Variants in FAM135B observed in about 807,000 individuals in gnomAD.
The protein encoded by FAM135B is family with sequence similarity 135 member B, also known as protein FAM135B.
A neutral mutation model predicts 127.7 loss-of-function variants in FAM135B; 43 were observed. The observed-to-expected ratio is 0.34, with a 90% confidence interval of 0.26 to 0.43. FAM135B has a LOEUF of 0.43. Ranked by LOEUF, FAM135B falls within the 20% of genes least tolerant of loss-of-function variation. The probability of loss-of-function intolerance (pLI) is 1.00; values close to 1 mark genes in which losing one functional copy is unlikely to be tolerated. For missense variants in FAM135B, 1,558 were observed against 1,725.6 expected (o/e 0.90, Z 1.72); for synonymous variants, 670 against 665.1 (o/e 1.01, Z -0.11).
chr8:138,215,707 C>A (rs912868065), intron 7 of FAM135B, among the ~76,000 whole-genome samples: 3 of 152,180 alleles, frequency 2.0e-5, no homozygotes, highest in African/African-American at 4.8e-5. Context: ...TTAATTGATA[C>A]ATCAATAATA....
intron 2 of FAM135B, among the ~76,000 whole-genome samples, chr8:138,334,471 A>G (rs1828412050): frequency 6.6e-6 from 1 of 152,212 alleles, no homozygotes; most frequent in African/African-American, 2.4e-5. Context: ...GATTTGTCCC[A>G]CAGATTATTT....
chr8:138,262,307 T>C (rs1483313580), intron 4 of FAM135B, among the ~76,000 whole-genome samples: 1 of 152,202 alleles, frequency 6.6e-6, no homozygotes, highest in East Asian at 1.9e-4. Context: ...CCAGCCTCCA[T>C]CACTGGTTTG....
chr8:138,398,328 A>G (rs1406609162), intron 1 of FAM135B, among the ~76,000 whole-genome samples: 1 of 152,214 alleles, frequency 6.6e-6, no homozygotes, highest in Non-Finnish European at 1.5e-5. Context: ...AGGGTATAAG[A>G]GTGTACCTGT....
chr8:138,386,394 T>C (rs973305474), intron 1 of FAM135B, among the ~76,000 whole-genome samples: 5 of 151,992 alleles, frequency 3.3e-5, no homozygotes, highest in Admixed American at 6.6e-5. Context: ...TATTGATGGT[T>C]CCATGACAGA....
intron 18 of FAM135B, 44 bp downstream of exon 18, chr8:138,138,942 C>A (rs527332547): frequency 6.5e-6 from 8 of 1,227,414 alleles, no homozygotes; most frequent in South Asian, 1.2e-5. Flanking sequence ...GAGTTGAATC[C>A]CAAGCTCAAA....
At chr8:138,171,274 T>C (rs931596609) in intron 11 of FAM135B, among the ~76,000 whole-genome samples, 2 of 152,192 alleles carry the variant, frequency 1.3e-5, no homozygotes, top group Non-Finnish European at 2.9e-5. Flanking sequence ...CAGGTGCTAA[T>C]TGACTGAAGC....
chr8:138,318,123 A>G (rs1288686205), intron 2 of FAM135B, among the ~76,000 whole-genome samples: 1 of 152,270 alleles, frequency 6.6e-6, no homozygotes, highest in Non-Finnish European at 1.5e-5. Context: ...AACGTTAGCA[A>G]TAAAGCACTG....
Position 138,153,016 on chromosome 8 carries a change from C to A in FAM135B, c.1459G>T (p.Ala487Ser), listed in dbSNP as rs1818327487. Residue 487 changes from alanine to serine, a missense_variant, in exon 13 of 20, where the codon GCC (alanine) becomes TCC (serine). Ala to Ser is a moderately conservative substitution (Grantham distance 99, BLOSUM62 1). Transcript: ENST00000395297. ...IRCPEPGENV[A>S]TQNHMDMCSE... ...CACATGTCCATATGATTTTGTGTGG[C>A]CACATTCTCACCTGGCTCTGGACAC... The A allele has an allele frequency of 6.2e-7, 1 of 1,614,166 alleles. No homozygotes were observed. The highest frequency in any genetic ancestry group is 2.2e-5 in the East Asian group (1 of 44,868).
intron 3 of FAM135B, among the ~76,000 whole-genome samples, chr8:138,289,594 T>A (rs1824949581): frequency 1.3e-5 from 2 of 152,214 alleles, no homozygotes; most frequent in Admixed American, 6.5e-5. Context: ...ATACTTCAAC[T>A]AACTCCTCAG....
At chr8:138,159,197 G>A (rs573233978) in intron 12 of FAM135B, among the ~76,000 whole-genome samples, 3,185 of 142,766 alleles carry the variant, frequency 0.022, 52 homozygotes, top group Admixed American at 0.038. Flanking sequence ...GCGTGAACCC[G>A]GGAAGCGGAG....
chr8:138,304,387 G>A (rs921982328), intron 3 of FAM135B, among the ~76,000 whole-genome samples: 9 of 152,224 alleles, frequency 5.9e-5, no homozygotes, highest in Non-Finnish European at 1.2e-4. Context: ...CATTAAAATA[G>A]TGTAGAAGAA....
chr8:138,351,482 G>A (rs1364159891), intron 2 of FAM135B, among the ~76,000 whole-genome samples: 1 of 152,116 alleles, frequency 6.6e-6, no homozygotes, highest in Non-Finnish European at 1.5e-5. Context: ...AAAGACACCA[G>A]AAGCCAGGAT....
intron 2 of FAM135B, among the ~76,000 whole-genome samples, chr8:138,359,804 G>C (rs754808373): frequency 2.0e-5 from 3 of 152,322 alleles, no homozygotes; most frequent in Non-Finnish European, 4.4e-5. Context: ...GCATTAGGCA[G>C]TGATGGGACA....
rs1452660851 is a variant in FAM135B at position 138,164,465 on chromosome 8, G to A, written c.1258+3430C>T. Among the ~76,000 whole-genome samples the A allele has an allele frequency of 3.9e-5, 6 of 152,288 alleles. No homozygotes were observed. The South Asian group carries it at 1.2e-3, about 32-fold the overall frequency. ...TGACATTGTGAAAGGAAAATATCTT[G>A]AGGCCCCCAAAATCACTAAGCTAAA... On this transcript the variant is annotated intron_variant, in intron 12 of 19. Coordinates refer to ENST00000395297, the MANE Select transcript of FAM135B (RefSeq NM_015912.4).
chr8:138,409,502 A>G (rs10111584), intron 1 of FAM135B, among the ~76,000 whole-genome samples: 1 of 151,922 alleles, frequency 6.6e-6, no homozygotes, highest in Non-Finnish European at 1.5e-5. Flanking sequence ...AAAAAATAAA[A>G]GGTGCCAATA....
intron 2 of FAM135B, among the ~76,000 whole-genome samples, chr8:138,319,994 G>A (rs1021971120): frequency 9.2e-5 from 14 of 152,152 alleles, no homozygotes; most frequent in Admixed American, 7.2e-4. Context: ...CCAGCCAAGG[G>A]ATGCAGGCAG....
intron 1 of FAM135B, among the ~76,000 whole-genome samples, chr8:138,421,350 A>C (rs1834498683): frequency 6.6e-6 from 1 of 152,154 alleles, no homozygotes; most frequent in Admixed American, 6.5e-5. Context: ...AGGTAAGACA[A>C]ACTATCTGTT....
chr8:138,423,974 G>A (rs1357884210), intron 1 of FAM135B, among the ~76,000 whole-genome samples: 1 of 152,116 alleles, frequency 6.6e-6, no homozygotes, highest in East Asian at 1.9e-4. Flanking sequence ...AGAGAAATAT[G>A]GCTGTGTTCT....
chr8:138,490,705 C>G (rs894265699), intron 1 of FAM135B, among the ~76,000 whole-genome samples: 6 of 152,212 alleles, frequency 3.9e-5, no homozygotes, highest in African/African-American at 1.2e-4. Flanking sequence ...TCTTCACTCT[C>G]CTTGCCCATC....
Sources: allele counts gnomAD v4.1 joint callset (sites outside exome capture counted in the v4.1 genomes callset), GRCh38; gene constraint gnomAD v4.1.1; transcripts MANE v1.5; gene names NCBI Gene and HGNC (gene_info 2026-07-23, HGNC 2026-07-21).